The following DHX33 variants were observed in gnomAD, a reference collection of about 807,000 sequenced individuals.
The protein encoded by DHX33 is ATP-dependent RNA helicase DHX33.
A neutral mutation model predicts 72.5 loss-of-function variants in DHX33; 42 were observed. The observed-to-expected ratio is 0.58, with a 90% confidence interval of 0.45 to 0.75. DHX33 has a LOEUF of 0.75. DHX33 is among the 30% of genes least tolerant of loss of function. The probability of loss-of-function intolerance (pLI) is 0.00; values close to 1 mark genes in which losing one functional copy is unlikely to be tolerated. For synonymous variants in DHX33, 358 were observed against 366.1 expected (o/e 0.98, Z 0.25); for missense variants, 842 against 917.5 (o/e 0.92, Z 1.06).
At position 5,444,541 on chromosome 17, in the gene DHX33, G is replaced by C. The variant is rs750160703; in HGVS notation, c.1816-28C>G. 15 of 1,602,374 alleles carry C rather than the reference G, an allele frequency of 9.4e-6. No homozygotes were observed. The highest frequency in any genetic ancestry group is 1.7e-6 in the Non-Finnish European group (2 of 1,174,258). On this transcript the variant is annotated intron_variant, in intron 11 of 11. Coordinates refer to ENST00000225296, the MANE Select transcript of DHX33 (RefSeq NM_020162.4). This position sits in a 1 kb window ranked among gnomAD's most constrained non-coding sequence, Gnocchi z 4.9. ...GTTTCGGGAGAAAGCGAGGAATGGA[G>C]CCGACCCCACACGTAAACACTGGTC...
At chr17:5,465,432 C>T (rs1276109642) in intron 1 of DHX33, among the ~76,000 whole-genome samples, 2 of 152,192 alleles carry the variant, frequency 1.3e-5, no homozygotes, top group African/African-American at 4.8e-5. Flanking sequence ...GGCAACAGAG[C>T]GTTGCTAAAG....
At chr17:5,463,117 GA>G (rs1420961505) in intron 2 of DHX33, among the ~76,000 whole-genome samples, 2 of 151,778 alleles carry the variant, frequency 1.3e-5, no homozygotes, top group Admixed American at 1.3e-4. Flanking sequence ...GTACAGATAT[GA>G]AAAGACGTCT....
At position 5,444,330 on chromosome 17, in the gene DHX33, C is replaced by T. The variant is rs1368291387; in HGVS notation, c.1999G>A (p.Val667Met). The T allele has an allele frequency of 3.7e-6, 6 of 1,614,106 alleles. No homozygotes were observed. Among genetic ancestry groups the T allele is most frequent in the East Asian group, 2.2e-5 (1 of 44,876 alleles). Residue 667 changes from valine to methionine, a missense_variant, in exon 12 of 12, where the codon GTG becomes ATG. Physicochemically the swap from Val to Met is conservative, Grantham distance 21. Coordinates refer to ENST00000225296, the MANE Select transcript of DHX33 (RefSeq NM_020162.4). This position sits in a 1 kb window ranked among gnomAD's most constrained non-coding sequence, Gnocchi z 4.9. The part of the protein sequence containing the change: ...VLFHCKPACV[V>M]YTELLYTNKC... ...TTGGTGTAGAGCAGCTCAGTGTACA[C>T]GACGCAGGCCGGCTTGCAGTGGAAG...
intron 11 of DHX33, among the ~76,000 whole-genome samples, chr17:5,448,235 T>C (rs1443005729): frequency 6.6e-6 from 1 of 152,072 alleles, no homozygotes; most frequent in African/African-American, 2.4e-5. Flanking sequence ...AAATATGCCA[T>C]GTGGAAGAAA....
chr17:5,467,136 C>A (rs1904907019), intron 1 of DHX33, among the ~76,000 whole-genome samples: 1 of 152,214 alleles, frequency 6.6e-6, no homozygotes, highest in African/African-American at 2.4e-5. Flanking sequence ...ACCAAATGGA[C>A]TCTTGGTTTG....
chr17:5,453,521 T>C (rs1917045793), intron 8 of DHX33, 59 bp downstream of exon 8: 1 of 1,356,234 alleles, frequency 7.4e-7, no homozygotes, highest in Non-Finnish European at 1.1e-6. Context: ...TTTGGAAGTG[T>C]CCATTTGTTG....
chr17:5,460,787 G>A (rs1451140681), intron 4 of DHX33, 152 bp downstream of exon 4: 24 of 901,080 alleles, frequency 2.7e-5, no homozygotes, highest in African/African-American at 6.8e-5. Context: ...GATTACAGGC[G>A]TGAGCCACCG....
rs558442900 is a variant in DHX33, at chr17:5,444,982, T to C, written c.1816-469A>G. Among the ~76,000 whole-genome samples, 5 of 152,360 alleles carry C rather than the reference T, an allele frequency of 3.3e-5. No individual in the cohort carries two copies. The South Asian group carries it at 1.0e-3, about 32-fold the overall frequency. ...CAAATACCTTCAACAATGTCTCTACTGCTCCTTGCAAAACAATGCAAACTT... is the reference window on the plus strand; with the variant it reads ...CAAATACCTTCAACAATGTCTCTACCGCTCCTTGCAAAACAATGCAAACTT... On this transcript the variant is annotated intron_variant, in intron 11 of 11. Coordinates refer to ENST00000225296, the MANE Select transcript of DHX33 (RefSeq NM_020162.4). The surrounding 1 kb of genome is among the most constrained non-coding windows in gnomAD (Gnocchi z 4.9).
intron 11 of DHX33, among the ~76,000 whole-genome samples, chr17:5,447,385 T>C (rs1916697972): frequency 6.6e-6 from 1 of 152,090 alleles, no homozygotes; most frequent in South Asian, 2.1e-4. Flanking sequence ...CCGGGCGTGG[T>C]GGCTCACGCC....
At chr17:5,449,953 A>G (rs774945539) in intron 10 of DHX33, among the ~76,000 whole-genome samples, 1 of 152,128 alleles carries the variant, frequency 6.6e-6, no homozygotes, top group African/African-American at 2.4e-5. Context: ...ATCAAGTTCC[A>G]ATTAAGTTTT....
chr17:5,465,249 AT>A (rs915178007), intron 1 of DHX33, among the ~76,000 whole-genome samples: 11 of 152,026 alleles, frequency 7.2e-5, no homozygotes, highest in African/African-American at 2.4e-4. Flanking sequence ...CAGTCCCATG[AT>A]TTGTGGGTTT....
chr17:5,456,992 C>T (rs1256857994), intron 4 of DHX33, among the ~76,000 whole-genome samples: 2 of 152,192 alleles, frequency 1.3e-5, no homozygotes, highest in African/African-American at 4.8e-5. Flanking sequence ...GAATGACATA[C>T]CTAATGCCCT....
chr17:5,459,901 C>T (rs1036302942), intron 4 of DHX33, among the ~76,000 whole-genome samples: 1 of 148,050 alleles, frequency 6.8e-6, no homozygotes, highest in African/African-American at 2.7e-5. Flanking sequence ...CCTGCCTTAG[C>T]CTCCCAAAGC....
At position 5,441,921 on chromosome 17, in the gene DHX33, G is replaced by GT. The variant is rs1325130949; in HGVS notation, c.*2283dup. 2 of 151,260 alleles carry GT rather than the reference G, an allele frequency of 1.3e-5. No homozygotes were observed. Among genetic ancestry groups the GT allele is most frequent in the Non-Finnish European group, 2.9e-5 (2 of 67,918 alleles). 9.4% of individuals were successfully genotyped at this position (151,260 alleles called of 1,614,324 possible). On this transcript the variant is annotated 3_prime_UTR_variant, in exon 12 of 12. Coordinates refer to ENST00000225296, the MANE Select transcript of DHX33 (RefSeq NM_020162.4). ...TTTCTTTCTTTTTTTTTCTGAGACC[G>GT]TCTCACACTGTCGGCCAGGCTGGAA... is the stretch of plus-strand genomic sequence containing the variant.
chr17:5,462,755 T>A (rs1351399702), intron 2 of DHX33, among the ~76,000 whole-genome samples: 2 of 152,152 alleles, frequency 1.3e-5, no homozygotes, highest in Non-Finnish European at 2.9e-5. Flanking sequence ...AAGGAATATT[T>A]AAAATTAACC....
At position 5,442,737 on chromosome 17, in the gene DHX33, GACAAA is replaced by G. The variant is rs1273122785; in HGVS notation, c.*1463_*1467del. 2.0e-5 allele frequency: 3 copies of G among 152,176 alleles called. No homozygotes were observed. The highest frequency in any genetic ancestry group is 4.4e-5 in the Non-Finnish European group (3 of 68,022). 9.4% of individuals were successfully genotyped at this position (152,176 alleles called of 1,614,324 possible). Reference sequence around the variant, plus strand: ...AACTATGATTCATTCATTAAGAAATGACAAAACACCCCACAGATGTATTTGGACCA... The same window carrying G: ...AACTATGATTCATTCATTAAGAAATGACACCCCACAGATGTATTTGGACCA... On this transcript the variant is annotated 3_prime_UTR_variant, in exon 12 of 12. Transcript: ENST00000225296.
intron 4 of DHX33, among the ~76,000 whole-genome samples, chr17:5,459,986 A>C (rs185993481): frequency 6.7e-6 from 1 of 150,068 alleles, no homozygotes; most frequent in East Asian, 2.0e-4. Context: ...TTATATGTAT[A>C]GCGTACGGGG....
chr17:5,456,699 T>C (rs1397138299), intron 4 of DHX33, among the ~76,000 whole-genome samples: 1 of 152,138 alleles, frequency 6.6e-6, no homozygotes, highest in Non-Finnish European at 1.5e-5. Context: ...ACAAGAACAA[T>C]ACCATGAAAA....
At chr17:5,454,789 C>T (rs1917116304) in intron 6 of DHX33, among the ~76,000 whole-genome samples, 1 of 152,336 alleles carries the variant, frequency 6.6e-6, no homozygotes. Flanking sequence ...CTGGTTCCTT[C>T]CTGAGAAACC....
Sources: gnomAD v4.1 joint callset for allele counts (sites outside exome capture counted in the v4.1 genomes callset) on GRCh38, gnomAD v4.1.1 for gene constraint, Gnocchi (gnomAD v3.1) non-coding constraint, MANE v1.5 for transcripts, NCBI Gene and HGNC (gene_info 2026-07-23, HGNC 2026-07-21) for gene names.